STS: variants seen among roughly 807,000 people sequenced by gnomAD.
STS encodes steryl-sulfatase.
In STS, 7 loss-of-function variants were observed where a neutral mutation model predicts 26.8. That is an observed-to-expected ratio of 0.26 (90% CI 0.15 to 0.49). The LOEUF (loss-of-function observed/expected upper bound fraction) is 0.49. STS is among the 20% of genes least tolerant of loss of function. The pLI is 0.98. For missense variants in STS, 434 were observed against 465.6 expected (o/e 0.93, Z 0.63); for synonymous variants, 199 against 189.4 (o/e 1.05, Z -0.42).
chrX:7,215,106 T>C (rs1167730527), intron 2 of STS, among the ~76,000 whole-genome samples: 2 of 79,083 alleles, frequency 2.5e-5, no homozygotes, highest in Non-Finnish European at 4.6e-5. Context: ...TGTATATATA[T>C]ACACATATAT....
intron 2 of STS, among the ~76,000 whole-genome samples, chrX:7,246,016 T>C (rs1405431675): frequency 8.9e-6 from 1 of 112,556 alleles, no homozygotes; most frequent in Non-Finnish European, 1.9e-5. Context: ...TATTTGCAAT[T>C]TCTCTGTCAC....
chrX:7,309,567 T>C (rs1218690442), intron 8 of STS, among the ~76,000 whole-genome samples: 2 of 95,648 alleles, frequency 2.1e-5, no homozygotes, highest in African/African-American at 8.0e-5. Context: ...CATAAATAAA[T>C]AAATAAAATA....
intron 2 of STS, among the ~76,000 whole-genome samples, chrX:7,241,100 C>T (rs576788667): frequency 2.7e-5 from 3 of 111,605 alleles, no homozygotes; most frequent in South Asian, 3.7e-4. Context: ...CCAACCAATG[C>T]GCACAGTTTG....
intron 7 of STS, among the ~76,000 whole-genome samples, chrX:7,286,983 C>T (rs1925165609): frequency 9.0e-6 from 1 of 111,673 alleles, no homozygotes; most frequent in African/African-American, 3.3e-5. Context: ...TTGATTGTCA[C>T]TTTCAGAATT....
intron 2 of STS, among the ~76,000 whole-genome samples, chrX:7,215,129 A>C (rs1921251731): frequency 1.2e-5 from 1 of 81,883 alleles, no homozygotes; most frequent in Non-Finnish European, 2.3e-5. Context: ...ACACACACAC[A>C]CACACACACA....
chrX:7,278,290 C>T (rs1240103344), intron 7 of STS, among the ~76,000 whole-genome samples: 2 of 111,948 alleles, frequency 1.8e-5, no homozygotes, highest in African/African-American at 3.2e-5. Flanking sequence ...TTACACAGGA[C>T]GGGACTGTTG....
chrX:7,334,120 A>C lies in STS; in HGVS notation c.1363+13A>C. Reference sequence around the variant, plus strand: ...CACCCTCAGAACAGTGAGTAAACAGACCTTTCCACGCTCCTCATGCTCCGT... The same window carrying C: ...CACCCTCAGAACAGTGAGTAAACAGCCCTTTCCACGCTCCTCATGCTCCGT... On this transcript the variant is annotated intron_variant, in intron 10 of 10. Coordinates refer to ENST00000674429, the MANE Select transcript of STS (RefSeq NM_001320752.2). The C allele has an allele frequency of 8.3e-7, 1 of 1,211,244 alleles. No homozygotes were observed. The highest frequency in any genetic ancestry group is 3.0e-5 in the East Asian group (1 of 33,816).
intron 8 of STS, among the ~76,000 whole-genome samples, chrX:7,316,051 C>G (rs1926698299): frequency 9.0e-6 from 1 of 111,600 alleles, no homozygotes; most frequent in African/African-American, 3.3e-5. Context: ...AGCTGTTGAC[C>G]AGGACATTTT....
At chrX:7,208,517 C>T (rs773551385) in intron 2 of STS, among the ~76,000 whole-genome samples, 36 of 111,910 alleles carry the variant, frequency 3.2e-4, no homozygotes, top group African/African-American at 1.1e-3. Flanking sequence ...CCTGTCTTCT[C>T]CAGTGATAAC....
At chrX:7,323,291 T>C (rs937678139) in intron 8 of STS, among the ~76,000 whole-genome samples, 1 of 110,215 alleles carries the variant, frequency 9.1e-6, no homozygotes, top group African/African-American at 3.3e-5. Context: ...GTATATTGCA[T>C]TATGCTGAGG....
chrX:7,337,732 G>A lies in STS; in HGVS notation c.1363+3625G>A, dbSNP rs187458161. ...GTTTTCATTTGGCTGTGTTGTGGGT[G>A]TTTACACCACGGCAATTGGCAAACA... On this transcript the variant is annotated intron_variant, in intron 10 of 10. Coordinates refer to ENST00000674429, the MANE Select transcript of STS (RefSeq NM_001320752.2). Among the ~76,000 whole-genome samples, 3 of 112,356 alleles carry A rather than the reference G, an allele frequency of 2.7e-5. No individual in the cohort carries two copies. The East Asian group carries it at 8.3e-4, about 31-fold the overall frequency.
At chrX:7,325,266 A>T in intron 8 of STS, 73 bp from the exon 9 acceptor site, 2 of 1,099,958 alleles carry the variant, frequency 1.8e-6, no homozygotes, top group South Asian at 1.9e-5. Flanking sequence ...TGAGCACGAA[A>T]GAGTCCATTG....
At position 7,274,842 on chromosome X, in the gene STS, C is replaced by T. The variant is rs1409469728; in HGVS notation, c.807-1109C>T. Among the ~76,000 whole-genome samples the T allele has an allele frequency of 4.5e-5, 5 of 111,991 alleles. No homozygotes were observed. The Admixed American group carries it at 4.7e-4, about 11-fold the overall frequency. ...CAGTATTGACCATTTAGTGTTCATT[C>T]TAGGAGACTTGTTGTATTATAGAAG... is the stretch of plus-strand genomic sequence containing the variant. On this transcript the variant is annotated intron_variant, in intron 6 of 10. Transcript: ENST00000674429.
intron 2 of STS, among the ~76,000 whole-genome samples, chrX:7,224,726 G>T (rs930237455): frequency 1.6e-4 from 18 of 111,909 alleles, no homozygotes; most frequent in African/African-American, 5.8e-4. Context: ...TGCATTCCAC[G>T]ATAGCAGCCC....
At chrX:7,204,886 C>G (rs1354504566) in intron 2 of STS, among the ~76,000 whole-genome samples, 3 of 106,598 alleles carry the variant, frequency 2.8e-5, no homozygotes, top group Non-Finnish European at 5.8e-5. Flanking sequence ...CTTCCTTTCC[C>G]TTATTCCTCC....
upstream of STS, among the ~76,000 whole-genome samples, chrX:7,147,347 T>C (rs2146945332): frequency 9.0e-6 from 1 of 111,595 alleles, no homozygotes; most frequent in East Asian, 2.8e-4. Flanking sequence ...TCTACACTGT[T>C]GACGGCGCGG....
intron 4 of STS, 35 bp downstream of exon 4, chrX:7,257,398 A>G (rs1569203655): frequency 8.3e-7 from 1 of 1,211,624 alleles, no homozygotes; most frequent in Non-Finnish European, 1.1e-6. Context: ...GGCTGTGGTC[A>G]CCTTCGGGAC....
At chrX:7,153,267 G>A (rs1488194011) in intron 1 of STS, among the ~76,000 whole-genome samples, 1 of 104,657 alleles carries the variant, frequency 9.6e-6, no homozygotes, top group Admixed American at 1.0e-4. Context: ...CTCTTTCCCT[G>A]TCTTCCTTCC....
At chrX:7,307,735 G>C (rs566641303) in intron 8 of STS, among the ~76,000 whole-genome samples, 3 of 111,694 alleles carry the variant, frequency 2.7e-5, no homozygotes, top group Admixed American at 9.5e-5. Context: ...GCCTGTGGGC[G>C]TGGCTTCCTC....
Sources: gnomAD v4.1 joint callset for allele counts (sites outside exome capture counted in the v4.1 genomes callset) on GRCh38, gnomAD v4.1.1 for gene constraint, MANE v1.5 for transcripts, NCBI Gene and HGNC (gene_info 2026-07-23, HGNC 2026-07-21) for gene names.